MAOB: variants seen among roughly 807,000 people sequenced by gnomAD.
MAOB encodes the protein amine oxidase [flavin-containing] B.
A neutral mutation model predicts 41.9 loss-of-function variants in MAOB; 15 were observed. The ratio of observed to expected loss-of-function variants is 0.36; its 90% confidence interval spans 0.24 to 0.55. MAOB has a LOEUF of 0.55. Ranked by LOEUF, MAOB falls within the 20% of genes least tolerant of loss-of-function variation. MAOB has a pLI of 0.86. For synonymous variants in MAOB, 167 were observed against 144.2 expected (o/e 1.16, Z -1.13); for missense variants, 345 against 398.7 (o/e 0.87, Z 1.15).
At chrX:43,836,735 C>A (rs1374407634) in intron 3 of MAOB, among the ~76,000 whole-genome samples, 1 of 112,014 alleles carries the variant, frequency 8.9e-6, no homozygotes, top group Non-Finnish European at 1.9e-5. Context: ...TCTATATTTT[C>A]TAATCATATT....
intron 1 of MAOB, among the ~76,000 whole-genome samples, chrX:43,868,504 G>A (rs1023521260): frequency 3.6e-5 from 4 of 111,548 alleles, no homozygotes; most frequent in Non-Finnish European, 7.5e-5. Flanking sequence ...GACACGGGTG[G>A]TATATTTTGG....
At chrX:43,863,823 T>C (rs1331718040) in intron 1 of MAOB, among the ~76,000 whole-genome samples, 1 of 111,855 alleles carries the variant, frequency 8.9e-6, no homozygotes, top group Non-Finnish European at 1.9e-5. Context: ...AGTAAATTGA[T>C]AGAAATGCCA....
chrX:43,824,191 C>T (rs1359542259), intron 3 of MAOB, among the ~76,000 whole-genome samples: 1 of 112,320 alleles, frequency 8.9e-6, no homozygotes, highest in Non-Finnish European at 1.9e-5. Context: ...ACTTCAATTA[C>T]CAATTGATGA....
At chrX:43,775,372 T>C (rs992965488) in intron 11 of MAOB, 100 bp from the exon 12 acceptor site, 18 of 1,099,942 alleles carry the variant, frequency 1.6e-5, no homozygotes, top group South Asian at 2.3e-5. Flanking sequence ...GTCAAACCAA[T>C]GTATTTCGGA....
At chrX:43,785,677 T>A (rs188881871) in intron 8 of MAOB, among the ~76,000 whole-genome samples, 8 of 112,329 alleles carry the variant, frequency 7.1e-5, no homozygotes, top group African/African-American at 2.6e-4. Flanking sequence ...TTTCTTTCAC[T>A]TGAACACTGG....
intron 8 of MAOB, among the ~76,000 whole-genome samples, chrX:43,786,641 G>C (rs1292597551): frequency 1.8e-5 from 2 of 112,075 alleles, no homozygotes; most frequent in African/African-American, 6.5e-5. Flanking sequence ...AAGAAGGCAA[G>C]AGAGAGAGCA....
chrX:43,822,885 C>T (rs1344395943), intron 3 of MAOB, among the ~76,000 whole-genome samples: 1 of 111,276 alleles, frequency 9.0e-6, no homozygotes, highest in East Asian at 2.8e-4. Context: ...ATCATTACCA[C>T]CATCACCATC....
intron 1 of MAOB, among the ~76,000 whole-genome samples, chrX:43,849,530 G>A (rs973783488): frequency 8.9e-6 from 1 of 112,760 alleles, no homozygotes; most frequent in African/African-American, 3.2e-5. Context: ...TCATTCAGGC[G>A]AATGCAGCTC....
intron 1 of MAOB, among the ~76,000 whole-genome samples, chrX:43,869,842 T>A (rs993597142): frequency 2.7e-5 from 3 of 111,535 alleles, no homozygotes; most frequent in Non-Finnish European, 5.6e-5. Flanking sequence ...CAATCATGAT[T>A]TCCTATCTTT....
At chrX:43,778,775 A>G (rs758200999) in intron 10 of MAOB, 36 bp from the exon 11 acceptor site, 2 of 1,104,916 alleles carry the variant, frequency 1.8e-6, no homozygotes, top group Non-Finnish European at 2.5e-6. Flanking sequence ...AAAATAAAGG[A>G]AAGAAGGGAG....
intron 6 of MAOB, among the ~76,000 whole-genome samples, chrX:43,796,631 A>G (rs191526760): frequency 1.8e-5 from 2 of 111,161 alleles, no homozygotes; most frequent in Non-Finnish European, 3.8e-5. Context: ...GAAGAATGGA[A>G]CATGACAACC....
At chrX:43,788,835 A>C (rs1451491936) in intron 8 of MAOB, among the ~76,000 whole-genome samples, 4 of 111,462 alleles carry the variant, frequency 3.6e-5, no homozygotes, top group African/African-American at 1.3e-4. Flanking sequence ...AATATTTATT[A>C]TATTATTTAA....
chrX:43,872,338 A>G (rs190816020), intron 1 of MAOB, among the ~76,000 whole-genome samples: 138 of 112,079 alleles, frequency 1.2e-3, no homozygotes, highest in African/African-American at 4.3e-3. Context: ...AATTACGACT[A>G]CAAACTGGTG....
intron 3 of MAOB, among the ~76,000 whole-genome samples, chrX:43,827,516 C>T (rs938616430): frequency 4.5e-5 from 5 of 111,549 alleles, no homozygotes; most frequent in African/African-American, 1.6e-4. Flanking sequence ...CTCAAGGTTT[C>T]AAAAGTGGAA....
At chrX:43,850,963 G>T (rs970870477) in intron 1 of MAOB, among the ~76,000 whole-genome samples, 4 of 112,166 alleles carry the variant, frequency 3.6e-5, no homozygotes, top group African/African-American at 9.7e-5. Flanking sequence ...GCAAATGATT[G>T]CATTTTCTAA....
At chrX:43,840,243 G>A (rs2035118339) in intron 2 of MAOB, among the ~76,000 whole-genome samples, 1 of 111,327 alleles carries the variant, frequency 9.0e-6, no homozygotes, top group African/African-American at 3.3e-5. Flanking sequence ...AGACTGGTAA[G>A]GTACCCTCTT....
intron 1 of MAOB, among the ~76,000 whole-genome samples, chrX:43,881,016 GC>G (rs1219482983): frequency 8.9e-6 from 1 of 112,963 alleles, no homozygotes; most frequent in Non-Finnish European, 1.9e-5. Context: ...CACAGCCTTG[GC>G]CAACCTCAGC....
chrX:43,785,737 C>T (rs2034390438), intron 8 of MAOB, among the ~76,000 whole-genome samples: 1 of 111,591 alleles, frequency 9.0e-6, no homozygotes, highest in Non-Finnish European at 1.9e-5. Flanking sequence ...ACTGTTGTGT[C>T]CCAGGGAACA....
chrX:43,796,206 G>A (rs991705641), intron 6 of MAOB, among the ~76,000 whole-genome samples: 1 of 111,512 alleles, frequency 9.0e-6, no homozygotes, highest in African/African-American at 3.3e-5. Flanking sequence ...CTTTTGCTTA[G>A]AGCTGGAACT....
Sources: gnomAD v4.1 joint callset for allele counts (sites outside exome capture counted in the v4.1 genomes callset) on GRCh38, gnomAD v4.1.1 for gene constraint, MANE v1.5 for transcripts, NCBI Gene and HGNC (gene_info 2026-07-23, HGNC 2026-07-21) for gene names.